Variants in NRXN1 observed in about 807,000 individuals in gnomAD.
NRXN1 encodes neurexin-1.
Under a neutral mutation model 150.9 loss-of-function variants are expected in NRXN1, and 39 were observed. The ratio of observed to expected loss-of-function variants is 0.26; its 90% CI spans 0.20 to 0.34. The LOEUF is 0.34. Ranked by LOEUF, NRXN1 falls within the 10% of genes least tolerant of loss-of-function variation. The pLI, the probability that NRXN1 is intolerant of heterozygous loss-of-function variation, is 1.00. For missense variants in NRXN1, 1,815 were observed against 1,949.9 expected (o/e 0.93, Z 1.30); for synonymous variants, 924 against 757.0 (o/e 1.22, Z -3.62).
rs909656422 is a variant in NRXN1, at chr2:50,771,122, G to A, written c.833-147507C>T. ...TGAGACAGACAGGGAAATAAAAAAC[G>A]GACTGCAGATTGTACTGAAGAGAGT... On this transcript the variant is annotated intron_variant, in intron 5 of 22. Transcript: ENST00000401669. Among the ~76,000 whole-genome samples the A allele has an allele frequency of 9.9e-5, 15 of 152,096 alleles. No homozygotes were observed. The East Asian group carries it at 1.4e-3, about 14-fold the overall frequency.
At chr2:50,573,095 C>G (rs1174739827) in intron 8 of NRXN1, among the ~76,000 whole-genome samples, 1 of 152,078 alleles carries the variant, frequency 6.6e-6, no homozygotes, top group Non-Finnish European at 1.5e-5. Context: ...TCAGTCCAGG[C>G]ATGGTGGCTC....
intron 5 of NRXN1, among the ~76,000 whole-genome samples, chr2:50,702,356 GA>G (rs59520961): frequency 0.97 from 143,183 of 147,642 alleles, 69,377 homozygotes; most frequent in East Asian, 1. Context: ...ATGTTGTAAT[GA>G]AAAAAAAAAA....
At chr2:50,412,917 T>C (rs1454496723) in intron 17 of NRXN1, among the ~76,000 whole-genome samples, 1 of 152,168 alleles carries the variant, frequency 6.6e-6, no homozygotes, top group Non-Finnish European at 1.5e-5. Context: ...TCTTTCTCCA[T>C]ATGTGAAAAT....
At chr2:49,971,508 G>A (rs962218037) in intron 21 of NRXN1, among the ~76,000 whole-genome samples, 5 of 152,134 alleles carry the variant, frequency 3.3e-5, no homozygotes, top group African/African-American at 1.2e-4. Flanking sequence ...TGCCCATAAG[G>A]AGAATGTGTC....
intron 5 of NRXN1, among the ~76,000 whole-genome samples, chr2:50,739,694 T>A (rs1699200293): frequency 6.6e-6 from 1 of 152,160 alleles, no homozygotes; most frequent in African/African-American, 2.4e-5. Flanking sequence ...TAAATGCACA[T>A]AGCAGGAGGG....
intron 18 of NRXN1, among the ~76,000 whole-genome samples, chr2:50,165,222 T>C (rs1263786168): frequency 6.6e-6 from 1 of 152,192 alleles, no homozygotes; most frequent in Non-Finnish European, 1.5e-5. Flanking sequence ...ATAACAGTCA[T>C]ATTAACGGAT....
At chr2:50,828,816 C>T (rs1430408918) in intron 5 of NRXN1, among the ~76,000 whole-genome samples, 1 of 152,144 alleles carries the variant, frequency 6.6e-6, no homozygotes, top group Non-Finnish European at 1.5e-5. Context: ...TCCTCACTTC[C>T]CAGACGGGGT....
chr2:50,070,088 G>T (rs369826886), intron 19 of NRXN1, among the ~76,000 whole-genome samples: 1 of 151,918 alleles, frequency 6.6e-6, no homozygotes, highest in Non-Finnish European at 1.5e-5. Flanking sequence ...CTGACCTTGC[G>T]ATCTGCCCGC....
At position 50,347,486 on chromosome 2, in the gene NRXN1, C is replaced by A; in HGVS notation, c.3365-110516G>T. ...AGAAGCAGACCCCATGGAATCCAGG[C>A]GCCCCTTCCCTCCATTCAGCCCCGG... On this transcript the variant is annotated intron_variant, in intron 17 of 22. Coordinates refer to ENST00000401669, the MANE Select transcript of NRXN1 (RefSeq NM_001330078.2). This position sits in a 1 kb window ranked among gnomAD's most constrained non-coding sequence, Gnocchi z 4.9. 1 of 1,063,728 alleles carries A rather than the reference C, an allele frequency of 9.4e-7. No homozygotes were observed. The highest frequency in any genetic ancestry group is 1.1e-6 in the Non-Finnish European group (1 of 875,962). The allele number at this position is 1,063,728 out of a possible 1,614,324, so 65.9% of individuals were successfully genotyped here. A position where few individuals can be genotyped will look rare whatever the true frequency, so the allele number is the denominator to read the frequency against.
chr2:50,623,250 G>A, intron 6 of NRXN1, 64 bp downstream of exon 6: 1 of 1,319,526 alleles, frequency 7.6e-7, no homozygotes, highest in Admixed American at 1.9e-5. Context: ...GAGTATTTAA[G>A]TACCACACAC....
At chr2:50,925,393 G>A (rs946759081) in intron 3 of NRXN1, among the ~76,000 whole-genome samples, 8 of 151,686 alleles carry the variant, frequency 5.3e-5, no homozygotes, top group East Asian at 1.9e-4. Flanking sequence ...GAATCATATC[G>A]AAATGCTGTA....
chr2:50,043,395 T>C (rs558569734), intron 21 of NRXN1, among the ~76,000 whole-genome samples: 8 of 152,308 alleles, frequency 5.3e-5, no homozygotes, highest in African/African-American at 1.9e-4. Context: ...TCAAGAAACA[T>C]TACCAACTGC....
chr2:50,113,584 T>C (rs1038141377), intron 18 of NRXN1, among the ~76,000 whole-genome samples: 1 of 152,234 alleles, frequency 6.6e-6, no homozygotes, highest in African/African-American at 2.4e-5. Flanking sequence ...CATAATCTAA[T>C]GACCAACGCT....
intron 18 of NRXN1, among the ~76,000 whole-genome samples, chr2:50,095,054 G>T (rs754116024): frequency 6.6e-6 from 1 of 152,176 alleles, no homozygotes; most frequent in Non-Finnish European, 1.5e-5. Context: ...GGAGGAATAA[G>T]AGAGGGAGAG....
chr2:50,066,965 G>A (rs945248305), intron 19 of NRXN1, among the ~76,000 whole-genome samples: 15 of 152,276 alleles, frequency 9.9e-5, no homozygotes, highest in Admixed American at 8.5e-4. Flanking sequence ...CAGGAAGAGG[G>A]GGTGGTGCAA....
chr2:50,299,963 A>G (rs191329940), intron 17 of NRXN1, among the ~76,000 whole-genome samples: 1 of 152,316 alleles, frequency 6.6e-6, no homozygotes, highest in Non-Finnish European at 1.5e-5. Context: ...TCCCATCACC[A>G]TGATTTCTAG....
intron 12 of NRXN1, among the ~76,000 whole-genome samples, chr2:50,518,873 C>G (rs921292053): frequency 1.3e-5 from 2 of 151,306 alleles, no homozygotes; most frequent in African/African-American, 4.9e-5. Context: ...TTGAGATATT[C>G]TAGTATAAAC....
intron 17 of NRXN1, among the ~76,000 whole-genome samples, chr2:50,300,965 G>A (rs2074094230): frequency 6.6e-6 from 1 of 152,018 alleles, no homozygotes; most frequent in Non-Finnish European, 1.5e-5. Flanking sequence ...CAAAGTGTTG[G>A]GATTACAAGC....
chr2:50,760,602 C>T (rs538022507), intron 5 of NRXN1, among the ~76,000 whole-genome samples: 1 of 151,828 alleles, frequency 6.6e-6, no homozygotes, highest in Non-Finnish European at 1.5e-5. Context: ...ACTCTAACCA[C>T]ACCTTCTCTC....
Sources: allele counts gnomAD v4.1 joint callset (sites outside exome capture counted in the v4.1 genomes callset), GRCh38; gene constraint gnomAD v4.1.1; non-coding constraint Gnocchi (gnomAD v3.1); transcripts MANE v1.5; gene names NCBI Gene and HGNC (gene_info 2026-07-23, HGNC 2026-07-21).